The following TNN variants were observed in gnomAD, a reference collection of about 807,000 sequenced individuals.
The protein encoded by TNN is tenascin N.
Under a neutral mutation model 134.4 loss-of-function variants are expected in TNN, and 122 were observed. That is an observed-to-expected ratio of 0.91 (90% CI 0.78 to 1.06). The LOEUF is 1.06. Ranked by LOEUF, TNN falls within the 50% of genes least tolerant of loss-of-function variation. The probability of loss-of-function intolerance (pLI) is 0.00; values close to 1 mark genes in which losing one functional copy is unlikely to be tolerated. For missense variants in TNN, 1,739 were observed against 1,699.4 expected, an observed-to-expected ratio of 1.02 and a Z score of -0.41; for synonymous variants, 710 against 670.3, an observed-to-expected ratio of 1.06 and a Z score of -0.91.
chr1:175,121,401 A>C (rs1675372680), intron 11 of TNN, among the ~76,000 whole-genome samples: 1 of 152,224 alleles, frequency 6.6e-6, no homozygotes, highest in Non-Finnish European at 1.5e-5. Context: ...TGGAAGAGCA[A>C]GTGGCCTGAG....
At chr1:175,101,312 A>G (rs1334366972) in intron 9 of TNN, among the ~76,000 whole-genome samples, 1 of 151,340 alleles carries the variant, frequency 6.6e-6, no homozygotes, top group Non-Finnish European at 1.5e-5. Flanking sequence ...GCGCGTCTGG[A>G]GTTGTTGGTT....
In TNN at chr1:175,147,678, C is replaced by A. The variant is rs139230450; in HGVS notation, c.*607C>A. On this transcript the variant is annotated 3_prime_UTR_variant, in exon 19 of 19. Transcript: ENST00000239462. ...GCATGCTGGAGACCAAAGCTGCCGC[C>A]TTACTGCTATTTTTAAGTGCCCTCT... 64 of 152,342 alleles carry A rather than the reference C, an allele frequency of 4.2e-4. No homozygotes were observed. Among genetic ancestry groups the A allele is most frequent in the African/African-American group, 1.4e-3 (60 of 41,568 alleles). The allele number at this position is 152,342 out of a possible 1,614,324, so 9.4% of individuals were successfully genotyped here.
intron 9 of TNN, among the ~76,000 whole-genome samples, chr1:175,109,852 T>A (rs1027183141): frequency 7.2e-5 from 11 of 152,008 alleles, no homozygotes; most frequent in African/African-American, 1.9e-4. Flanking sequence ...CTGATTTCCT[T>A]TTTTTTGGAT....
chr1:175,081,952 A>G (rs372372069), intron 4 of TNN, among the ~76,000 whole-genome samples: 10 of 152,206 alleles, frequency 6.6e-5, no homozygotes, highest in African/African-American at 2.4e-4. Context: ...GTGTTCAGCT[A>G]TTTGTGTGGT....
chr1:175,073,861 A>G (rs896003571), intron 1 of TNN, among the ~76,000 whole-genome samples: 2 of 152,042 alleles, frequency 1.3e-5, no homozygotes, highest in Admixed American at 6.5e-5. Context: ...CCCACTGGGC[A>G]TGTCCTGCTG....
Position 175,118,622 on chromosome 1 carries a change from C to T in TNN, c.2448C>T (p.Ser816=), listed in dbSNP as rs748466385. 6.2e-6 allele frequency: 10 copies of T among 1,614,092 alleles called. No individual in the cohort carries two copies. In the Admixed American group the frequency reaches 1.5e-4, roughly 24 times the overall value. ...TGACAGAGAATACAGCCACTGTCTC[C>T]TGGGACCCGGTGCAGGCCACCATTG... is the stretch of plus-strand genomic sequence containing the variant. ...DWVTENTATV[S]WDPVQATIDR... The change falls in exon 11 of 19, where the codon TCC becomes TCT. Residue 816 remains serine, a synonymous_variant. Coordinates refer to ENST00000239462, the MANE Select transcript of TNN (RefSeq NM_022093.2).
intron 9 of TNN, among the ~76,000 whole-genome samples, chr1:175,105,101 T>C (rs1318999972): frequency 6.9e-6 from 1 of 145,834 alleles, no homozygotes; most frequent in Non-Finnish European, 1.5e-5. Flanking sequence ...ATCTCCAAAC[T>C]CTCAGGCTGC....
At chr1:175,081,390 A>G (rs1299513189) in intron 4 of TNN, among the ~76,000 whole-genome samples, 2 of 152,192 alleles carry the variant, frequency 1.3e-5, no homozygotes, top group Non-Finnish European at 2.9e-5. Context: ...GTACATTTTT[A>G]TTGAGCACTT....
intron 1 of TNN, among the ~76,000 whole-genome samples, chr1:175,074,624 G>A (rs1429005155): frequency 6.6e-6 from 1 of 152,122 alleles, no homozygotes; most frequent in African/African-American, 2.4e-5. Flanking sequence ...AATGCAGTCA[G>A]TTCTCAGAAG....
chr1:175,127,965 G>A (rs1675572964), intron 13 of TNN, 67 bp from the exon 14 acceptor site: 7 of 1,590,636 alleles, frequency 4.4e-6, no homozygotes, highest in Non-Finnish European at 5.2e-6. Context: ...GAACGCTGTT[G>A]ACACCTAGGG....
intron 15 of TNN, among the ~76,000 whole-genome samples, chr1:175,131,917 T>TACACACACAC (rs3028571): frequency 0.14 from 19,269 of 136,146 alleles, 1,552 homozygotes; most frequent in African/African-American, 0.18. Context: ...GAAGTATTAT[T>TACACACACAC]ACACACACAC....
In TNN at chr1:175,105,169, G is replaced by A. The variant is rs561199966; in HGVS notation, c.2119+6574G>A. On this transcript the variant is annotated intron_variant, in intron 9 of 18. Coordinates refer to ENST00000239462, the MANE Select transcript of TNN (RefSeq NM_022093.2). ...GGGTTTGATCTAACAGTAGCATGAC[G>A]TCTCTCCAAGTGAGGTCAAAGGTTT... Among the ~76,000 whole-genome samples, 43 of 145,956 alleles carry A rather than the reference G, an allele frequency of 2.9e-4. 3 individuals are homozygous for A. Among genetic ancestry groups the A allele is most frequent in the Admixed American group, 2.6e-3 (38 of 14,526 alleles).
intron 12 of TNN, among the ~76,000 whole-genome samples, chr1:175,123,887 C>G (rs1305769242): frequency 6.6e-6 from 1 of 152,180 alleles, no homozygotes; most frequent in Non-Finnish European, 1.5e-5. Context: ...GGTGGCCTCC[C>G]TCACCCCTCC....
At chr1:175,085,253 G>C (rs1674295372) in intron 5 of TNN, 152 bp from the exon 6 acceptor site, 2 of 611,674 alleles carry the variant, frequency 3.3e-6, no homozygotes, top group Admixed American at 4.8e-5. Context: ...TGCACCTGCG[G>C]GGCTTTATTT....
At chr1:175,108,882 T>C (rs1574158598) in intron 9 of TNN, among the ~76,000 whole-genome samples, 1 of 150,714 alleles carries the variant, frequency 6.6e-6, no homozygotes, top group African/African-American at 2.5e-5. Context: ...GCTCCAGCCT[T>C]GGCCAGCCCA....
At chr1:175,095,177 C>G (rs1674540759) in intron 7 of TNN, among the ~76,000 whole-genome samples, 1 of 152,140 alleles carries the variant, frequency 6.6e-6, no homozygotes, top group Non-Finnish European at 1.5e-5. Context: ...CCTCCTAGAT[C>G]CATGTGGGCC....
intron 13 of TNN, 114 bp downstream of exon 13, chr1:175,127,199 C>A: frequency 7.9e-7 from 1 of 1,267,228 alleles, no homozygotes; most frequent in Non-Finnish European, 1.1e-6. Flanking sequence ...CTTTACTGAT[C>A]ACATTGCTGG....
At position 175,098,587 on chromosome 1, in the gene TNN, C is replaced by T. The variant is rs147445406; in HGVS notation, c.2111C>T (p.Ala704Val). 5 of 1,614,022 alleles carry T rather than the reference C, an allele frequency of 3.1e-6. No homozygotes were observed. The highest frequency in any genetic ancestry group is 1.7e-5 in the Admixed American group (1 of 60,020). The change falls in exon 9 of 19, where the codon GCC becomes GTC. Residue 704 changes from alanine to valine, a missense_variant. Transcript: ENST00000239462. ...DQESKKADTK[A>V]QTDIDSPQNL... ...GAGAGCAAGAAGGCCGACACCAAGG[C>T]CCAGACAGGTAAGGAGTGTGCATTA...
chr1:175,094,037 A>C lies in TNN; in HGVS notation c.1372A>C (p.Thr458Pro). 1 of 1,612,540 alleles carries C rather than the reference A, an allele frequency of 6.2e-7. No individual in the cohort carries two copies. The highest frequency in any genetic ancestry group is 1.1e-5 in the South Asian group (1 of 91,018). ...TGTCACTGATCGAGTGACTGAAGACACAGCAACTGTCTCCTGGGACCCAGT... is the reference window on the plus strand; with the variant it reads ...TGTCACTGATCGAGTGACTGAAGACCCAGCAACTGTCTCCTGGGACCCAGT... ...NVVTDRVTED[T>P]ATVSWDPVQA... is the part of the protein sequence containing the mutation. Residue 458 changes from threonine to proline, a missense_variant, in exon 7 of 19, where the codon ACA becomes CCA. By Grantham distance (38) the Thr-to-Pro change is conservative (BLOSUM62 -1). Transcript: ENST00000239462.
Sources: gnomAD v4.1 joint callset for allele counts (sites outside exome capture counted in the v4.1 genomes callset) on GRCh38, gnomAD v4.1.1 for gene constraint, MANE v1.5 for transcripts, NCBI Gene and HGNC (gene_info 2026-07-23, HGNC 2026-07-21) for gene names.